The following DDX60L variants were observed in gnomAD, a reference collection of about 807,000 sequenced individuals.
DDX60L encodes DExD/H-box 60 like.
In DDX60L, 191 loss-of-function variants were observed where a neutral mutation model predicts 211.6. The ratio of observed to expected loss-of-function variants is 0.90; its 90% CI spans 0.80 to 1.02. The LOEUF (loss-of-function observed/expected upper bound fraction) is 1.02. Ranked by LOEUF, DDX60L falls within the 50% of genes least tolerant of loss-of-function variation. The pLI is 0.00. For synonymous variants in DDX60L, 706 were observed against 694.1 expected, an observed-to-expected ratio of 1.02 and a Z score of -0.27; for missense variants, 2,007 against 1,984.1, an observed-to-expected ratio of 1.01 and a Z score of -0.22.
intron 10 of DDX60L, among the ~76,000 whole-genome samples, chr4:168,435,912 C>T (rs1336036140): frequency 6.6e-6 from 1 of 152,122 alleles, no homozygotes; most frequent in African/African-American, 2.4e-5. Flanking sequence ...ATTTCCATCT[C>T]AGCAAAATTT....
At chr4:168,390,139 T>A (rs1212681898) in intron 29 of DDX60L, 2 of 987,732 alleles carry the variant, frequency 2.0e-6, no homozygotes, top group Non-Finnish European at 2.4e-6. Flanking sequence ...TAGGAGATAA[T>A]GCTAAGTCAT....
Position 168,358,138 on chromosome 4 carries a change from TC to T in DDX60L, c.*8del. 1 of 1,607,148 alleles carries T rather than the reference TC, an allele frequency of 6.2e-7. No homozygotes were observed. On this transcript the variant is annotated 3_prime_UTR_variant, in exon 38 of 38. Transcript: ENST00000682922. ...ACCACATAATCAGACTTGAAAGTTT[TC>T]CATGGTGTTATTCTAAATGATTTTG... is the stretch of plus-strand genomic sequence containing the variant.
intron 22 of DDX60L, among the ~76,000 whole-genome samples, chr4:168,410,638 A>G (rs72976895): frequency 0.014 from 2,172 of 152,336 alleles, 58 homozygotes; most frequent in African/African-American, 0.047. Context: ...TTGAACCTAT[A>G]TAATTTAATA....
intron 19 of DDX60L, among the ~76,000 whole-genome samples, chr4:168,418,726 A>T (rs1749983661): frequency 8.5e-6 from 1 of 117,450 alleles, no homozygotes; most frequent in Non-Finnish European, 1.9e-5. Context: ...ATAATAACAT[A>T]GCTATGTCCT....
intron 28 of DDX60L, among the ~76,000 whole-genome samples, chr4:168,393,781 A>C (rs1293879501): frequency 6.6e-6 from 1 of 152,230 alleles, no homozygotes; most frequent in Non-Finnish European, 1.5e-5. Context: ...TAGCTGAGGT[A>C]TGACATTAGA....
In DDX60L at chr4:168,367,697, T is replaced by C. The variant is rs191785909; in HGVS notation, c.4928+3915A>G. On this transcript the variant is annotated intron_variant, in intron 36 of 37. Coordinates refer to ENST00000682922, the MANE Select transcript of DDX60L (RefSeq NM_001012967.3). ...GAAAGTTTGGAACTTCCTAAAGACTTGCTGAATGGCTTTGCCCAAAATGCT... is the reference window on the plus strand; with the variant it reads ...GAAAGTTTGGAACTTCCTAAAGACTCGCTGAATGGCTTTGCCCAAAATGCT... 1.9e-4 allele frequency among the ~76,000 whole-genome samples: 29 copies of C among 152,304 alleles called. No homozygotes were observed. The East Asian group carries it at 5.6e-3, about 29-fold the overall frequency.
chr4:168,400,195 C>G (rs960976980), intron 26 of DDX60L, among the ~76,000 whole-genome samples: 2 of 152,280 alleles, frequency 1.3e-5, no homozygotes, highest in African/African-American at 4.8e-5. Context: ...AGGACATAAT[C>G]TCATTCTTTT....
intron 1 of DDX60L, among the ~76,000 whole-genome samples, chr4:168,478,385 GTAATTAACGGCA>G (rs1263266283): frequency 6.6e-6 from 1 of 152,206 alleles, no homozygotes; most frequent in Non-Finnish European, 1.5e-5. Flanking sequence ...CTCTCTGGGT[GTAATTAACGGCA>G]TAGGGAACTA....
At chr4:168,454,779 T>TTTTTTTTTTTTTTTTTTTTTTTTTG (rs56928644) in intron 7 of DDX60L, among the ~76,000 whole-genome samples, 2 of 141,088 alleles carry the variant, frequency 1.4e-5, no homozygotes, top group East Asian at 2.0e-4. Flanking sequence ...TTTTTTTTTT[T>TTTTTTTTTTTTTTTTTTTTTTTTTG]AGCAGCTAGA....
At chr4:168,461,513 A>G (rs1432482674) in intron 5 of DDX60L, among the ~76,000 whole-genome samples, 186 bp downstream of exon 5, 3 of 152,200 alleles carry the variant, frequency 2.0e-5, no homozygotes, top group Non-Finnish European at 4.4e-5. Context: ...GAAATTTAGA[A>G]AAAGGAATTG....
chr4:168,471,328 G>A (rs761768641), intron 4 of DDX60L: 1 of 153,016 alleles, frequency 6.5e-6, no homozygotes. Flanking sequence ...TTTAGATGGT[G>A]GGATATAGAT....
Position 168,411,761 on chromosome 4 carries a change from G to A in DDX60L, c.2979+3647C>T, listed in dbSNP as rs566448228. ...TGCAATCTACTGAGACACCAGCTGA[G>A]GAGAGCTAGGGAGTGATTGCATCAT... is the stretch of plus-strand genomic sequence containing the variant. On this transcript the variant is annotated intron_variant, in intron 22 of 37. Coordinates refer to ENST00000682922, the MANE Select transcript of DDX60L (RefSeq NM_001012967.3). Among the ~76,000 whole-genome samples, 5 of 152,228 alleles carry A rather than the reference G, an allele frequency of 3.3e-5. No individual in the cohort carries two copies. The South Asian group carries it at 1.0e-3, about 32-fold the overall frequency.
intron 9 of DDX60L, among the ~76,000 whole-genome samples, chr4:168,442,135 A>C (rs994996766): frequency 6.6e-6 from 1 of 152,012 alleles, no homozygotes; most frequent in Non-Finnish European, 1.5e-5. Flanking sequence ...GGCACAGGTC[A>C]GTGGGTGCGC....
At chr4:168,372,626 C>A (rs1229351006) in intron 35 of DDX60L, among the ~76,000 whole-genome samples, 2 of 151,910 alleles carry the variant, frequency 1.3e-5, no homozygotes, top group South Asian at 2.1e-4. Flanking sequence ...ATATGGGAGA[C>A]TGAGGTGGGA....
At chr4:168,438,646 C>T (rs971101494) in intron 10 of DDX60L, among the ~76,000 whole-genome samples, 1 of 152,188 alleles carries the variant, frequency 6.6e-6, no homozygotes, top group African/African-American at 2.4e-5. Context: ...GAATAAACTT[C>T]TGTTGCTATA....
intron 21 of DDX60L, 53 bp downstream of exon 21, chr4:168,415,604 C>A (rs1049887846): frequency 7.0e-7 from 1 of 1,429,988 alleles, no homozygotes; most frequent in South Asian, 1.4e-5. Flanking sequence ...CTATAAAAAG[C>A]TTTGTAGTAA....
chr4:168,387,053 T>C (rs927910705), intron 29 of DDX60L, among the ~76,000 whole-genome samples: 1 of 152,158 alleles, frequency 6.6e-6, no homozygotes, highest in Non-Finnish European at 1.5e-5. Flanking sequence ...CAGCACAGAA[T>C]AGAATACGGG....
chr4:168,465,857 G>A (rs1238031940), intron 4 of DDX60L, among the ~76,000 whole-genome samples: 1 of 151,992 alleles, frequency 6.6e-6, no homozygotes, highest in Non-Finnish European at 1.5e-5. Flanking sequence ...TGGTCCAACT[G>A]TGTTTTTATG....
intron 34 of DDX60L, among the ~76,000 whole-genome samples, chr4:168,375,174 GT>G (rs1018652325): frequency 2.4e-4 from 37 of 151,486 alleles, no homozygotes; most frequent in South Asian, 8.4e-4. Flanking sequence ...TAATTATAAA[GT>G]TTTTTTTTAA....
Sources: allele counts gnomAD v4.1 joint callset (sites outside exome capture counted in the v4.1 genomes callset), GRCh38; gene constraint gnomAD v4.1.1; transcripts MANE v1.5; gene names NCBI Gene and HGNC (gene_info 2026-07-23, HGNC 2026-07-21).